The following PDE5A variants were observed in gnomAD, a reference collection of about 807,000 sequenced individuals.
PDE5A encodes phosphodiesterase 5A.
A neutral mutation model predicts 110.2 loss-of-function variants in PDE5A; 67 were observed. The ratio of observed to expected loss-of-function variants is 0.61; its 90% CI spans 0.50 to 0.75. The LOEUF is 0.75. PDE5A is among the 30% of genes least tolerant of loss of function. PDE5A has a pLI of 0.00. For missense variants in PDE5A, 862 were observed against 1,045.1 expected, an observed-to-expected ratio of 0.82 and a Z score of 2.42; for synonymous variants, 328 against 351.2, an observed-to-expected ratio of 0.93 and a Z score of 0.74.
intron 3 of PDE5A, 22 bp downstream of exon 3, chr4:119,596,501 A>T: frequency 1.4e-6 from 2 of 1,380,592 alleles, no homozygotes; most frequent in South Asian, 2.7e-5. Flanking sequence ...ATGACCTTTT[A>T]TAAAATGGAA....
intron 3 of PDE5A, among the ~76,000 whole-genome samples, chr4:119,594,805 G>A (rs1729100108): frequency 6.6e-6 from 1 of 152,154 alleles, no homozygotes; most frequent in Admixed American, 6.5e-5. Context: ...CTGACTTAGG[G>A]CCTTGTTAAT....
At chr4:119,518,974 G>A (rs1726014074) in intron 14 of PDE5A, 71 bp downstream of exon 14, 1 of 1,054,794 alleles carries the variant, frequency 9.5e-7, no homozygotes, top group Admixed American at 1.9e-5. Context: ...TTTTGCTGTG[G>A]CTTTAACTTA....
At position 119,507,717 on chromosome 4, in the gene PDE5A, A is replaced by G. The variant is rs1725602808; in HGVS notation, c.2089-13T>C. ...GAATCTGATTGCCCTTTATAAAAAA[A>G]GAAAACCAGTATTAACATCCTGGAG... On this transcript the variant is annotated splice_polypyrimidine_tract_variant and intron_variant, in intron 15 of 20. Coordinates refer to ENST00000354960, the MANE Select transcript of PDE5A (RefSeq NM_001083.4). The G allele has an allele frequency of 1.3e-6, 2 of 1,536,418 alleles. No individual in the cohort carries two copies. Among genetic ancestry groups the G allele is most frequent in the Non-Finnish European group, 8.8e-7 (1 of 1,130,008 alleles).
intron 11 of PDE5A, among the ~76,000 whole-genome samples, chr4:119,538,144 G>A (rs1726792077): frequency 6.6e-6 from 1 of 152,092 alleles, no homozygotes; most frequent in South Asian, 2.1e-4. Flanking sequence ...CTTCAGTGCG[G>A]CCTTCATAAC....
intron 1 of PDE5A, among the ~76,000 whole-genome samples, chr4:119,607,692 ACACCACTG>A (rs1729590557): frequency 6.6e-6 from 1 of 152,046 alleles, no homozygotes; most frequent in Admixed American, 6.6e-5. Context: ...AGGTATGATG[ACACCACTG>A]CACCACTGCA....
intron 3 of PDE5A, among the ~76,000 whole-genome samples, chr4:119,588,994 G>A (rs777434741): frequency 6.6e-6 from 1 of 152,150 alleles, no homozygotes; most frequent in Non-Finnish European, 1.5e-5. Flanking sequence ...AAGGAGGAAA[G>A]AGCTCTGATT....
intron 12 of PDE5A, among the ~76,000 whole-genome samples, chr4:119,522,966 C>A (rs1166107638): frequency 6.6e-6 from 1 of 151,744 alleles, no homozygotes; most frequent in African/African-American, 2.4e-5. Flanking sequence ...AAAGAAGAAA[C>A]AGAAAACAGC....
chr4:119,552,779 GTATAAAT>G (rs1727401428), intron 8 of PDE5A, 142 bp from the exon 9 acceptor site: 1 of 439,278 alleles, frequency 2.3e-6, no homozygotes, highest in Admixed American at 4.3e-5. Flanking sequence ...AGCAGAAAAT[GTATAAAT>G]TATAATGAAG....
intron 1 of PDE5A, among the ~76,000 whole-genome samples, chr4:119,618,522 A>C (rs1361383923): frequency 6.6e-6 from 1 of 152,148 alleles, no homozygotes; most frequent in Non-Finnish European, 1.5e-5. Context: ...TACATATAAC[A>C]AAATTTTCTG....
At chr4:119,536,235 A>G (rs776886459) in intron 11 of PDE5A, among the ~76,000 whole-genome samples, 1 of 152,188 alleles carries the variant, frequency 6.6e-6, no homozygotes, top group Non-Finnish European at 1.5e-5. Flanking sequence ...CTGAAAGACT[A>G]CTATTTTCAA....
chr4:119,613,684 A>G (rs1485152450), intron 1 of PDE5A, among the ~76,000 whole-genome samples: 1 of 152,042 alleles, frequency 6.6e-6, no homozygotes, highest in Non-Finnish European at 1.5e-5. Context: ...TCGATGGTCT[A>G]GGATAGGACC....
chr4:119,552,581 A>G lies in PDE5A; in HGVS notation c.1365T>C (p.Pro455=). 9 of 1,532,694 alleles carry G rather than the reference A, an allele frequency of 5.9e-6. No homozygotes were observed. Among genetic ancestry groups the G allele is most frequent in the Non-Finnish European group, 7.0e-6 (8 of 1,136,524 alleles). The allele number at this position is 1,532,694 out of a possible 1,614,324, so 94.9% of individuals were successfully genotyped here. Residue 455 remains proline (P), a synonymous_variant, in exon 9 of 21, where the codon CCT becomes CCC. Coordinates refer to ENST00000354960, the MANE Select transcript of PDE5A (RefSeq NM_001083.4). Reference sequence around the variant, plus strand: ...CTTTATTCTTCTTTCCATTTTTTATAGGTGTACAAAGCAAACTTCTAATGC... The same window carrying G: ...CTTTATTCTTCTTTCCATTTTTTATGGGTGTACAAAGCAAACTTCTAATGC... The part of the protein sequence containing the change: ...QQCIRSLLCT[P]IKNGKKNKVI...
chr4:119,538,827 C>A, intron 11 of PDE5A, 133 bp downstream of exon 11: 1 of 741,836 alleles, frequency 1.3e-6, no homozygotes, highest in Admixed American at 1.9e-5. Flanking sequence ...TTTGTATTAT[C>A]AGTGACTTTG....
chr4:119,601,068 A>T (rs1030749182), intron 2 of PDE5A, among the ~76,000 whole-genome samples: 5 of 152,188 alleles, frequency 3.3e-5, no homozygotes, highest in Non-Finnish European at 5.9e-5. Context: ...CAGACCTCCT[A>T]AAGGCCATGG....
At chr4:119,585,716 C>T (rs1051659533) in intron 3 of PDE5A, among the ~76,000 whole-genome samples, 1 of 152,212 alleles carries the variant, frequency 6.6e-6, no homozygotes, top group Admixed American at 6.5e-5. Flanking sequence ...GCCTAATTCC[C>T]TTCCTCTTGA....
intron 3 of PDE5A, among the ~76,000 whole-genome samples, chr4:119,582,623 A>G (rs969378982): frequency 6.6e-6 from 1 of 152,196 alleles, no homozygotes; most frequent in Non-Finnish European, 1.5e-5. Flanking sequence ...TATGTCAGCT[A>G]TGGCCTTACG....
At chr4:119,515,285 T>TAAGTC (rs1208929848) in intron 14 of PDE5A, among the ~76,000 whole-genome samples, 2 of 152,174 alleles carry the variant, frequency 1.3e-5, no homozygotes, top group Non-Finnish European at 2.9e-5. Context: ...AGTGCCCTTT[T>TAAGTC]AAGTCTCTCA....
intron 3 of PDE5A, among the ~76,000 whole-genome samples, chr4:119,574,558 A>G (rs1728263170): frequency 6.6e-6 from 1 of 152,122 alleles, no homozygotes; most frequent in African/African-American, 2.4e-5. Flanking sequence ...ACTAACGCTT[A>G]GTCTTTAGAT....
intron 11 of PDE5A, among the ~76,000 whole-genome samples, chr4:119,526,187 G>A (rs963934010): frequency 6.6e-6 from 1 of 152,086 alleles, no homozygotes; most frequent in Non-Finnish European, 1.5e-5. Context: ...TCAAGTACAG[G>A]AACTTAAGCA....
Sources: allele counts gnomAD v4.1 joint callset (sites outside exome capture counted in the v4.1 genomes callset), GRCh38; gene constraint gnomAD v4.1.1; transcripts MANE v1.5; gene names NCBI Gene and HGNC (gene_info 2026-07-23, HGNC 2026-07-21).